Variants in DNMT3A observed in about 807,000 individuals in gnomAD.
The protein encoded by DNMT3A is DNA methyltransferase 3 alpha.
Under a neutral mutation model 117.6 loss-of-function variants are expected in DNMT3A, and 267 were observed. That is an observed-to-expected ratio of 2.27 (90% CI 2.05 to 2.51). The LOEUF is 2.51. Among genes scored for constraint, DNMT3A ranks in the 30% most tolerant of loss-of-function variants. The pLI is 0.00. For synonymous variants in DNMT3A, 432 were observed against 474.8 expected, an observed-to-expected ratio of 0.91 and a Z score of 1.17; for missense variants, 1,029 against 1,260.2, an observed-to-expected ratio of 0.82 and a Z score of 2.78.
intron 2 of DNMT3A, among the ~76,000 whole-genome samples, chr2:25,300,718 T>TAC (rs1558722748): frequency 3.7e-4 from 2 of 5,400 alleles, no homozygotes; most frequent in African/African-American, 1.3e-3. Flanking sequence ...ATATAATATA[T>TAC]ATATATATAT....
intron 3 of DNMT3A, among the ~76,000 whole-genome samples, chr2:25,287,727 A>G (rs2032415846): frequency 8.6e-6 from 1 of 116,560 alleles, no homozygotes; most frequent in South Asian, 2.6e-4. Context: ...CAGACAGAGG[A>G]CACCCCCGCC....
chr2:25,239,221 AAACAGGAG>A lies in DNMT3A; in HGVS notation c.2323-14_2323-7del. ...TCAATCATCACAGGGTTGGACTACA[AAACAGGAG>A]ACGGTTTGAAGATGAGCCAAGGAGG... On this transcript the variant is annotated splice_polypyrimidine_tract_variant and splice_region_variant and intron_variant, in intron 19 of 22. Coordinates refer to ENST00000321117, the MANE Select transcript of DNMT3A (RefSeq NM_022552.5). 1 of 1,613,634 alleles carries A rather than the reference AAACAGGAG, an allele frequency of 6.2e-7. No homozygotes were observed. Among genetic ancestry groups the A allele is most frequent in the Non-Finnish European group, 8.5e-7 (1 of 1,179,686 alleles).
At position 25,228,143 on chromosome 2, in the gene DNMT3A, C is replaced by T. The variant is rs2149242333; in HGVS notation, c.*6136G>A. ...CCCCCACTCGCCCTTCCCTGAATGT[C>T]CTAGAACCAGACTGTGAAATGTACA... On this transcript the variant is annotated 3_prime_UTR_variant, in exon 23 of 23. Transcript: ENST00000321117. 1 of 134,808 alleles carries T rather than the reference C, an allele frequency of 7.4e-6. No individual in the cohort carries two copies. Among genetic ancestry groups the T allele is most frequent in the African/African-American group, 2.8e-5 (1 of 35,856 alleles). The allele number at this position is 134,808 out of a possible 1,614,324, so 8.4% of individuals were successfully genotyped here. A position where few individuals can be genotyped will look rare whatever the true frequency, so the allele number is the denominator to read the frequency against.
chr2:25,258,480 A>C (rs977975180), intron 6 of DNMT3A, among the ~76,000 whole-genome samples: 2 of 152,216 alleles, frequency 1.3e-5, no homozygotes, highest in African/African-American at 4.8e-5. Flanking sequence ...TAGCACCTGC[A>C]GTAGGTAGGC....
intron 1 of DNMT3A, chr2:25,328,662 CAGG>C: frequency 1.9e-6 from 1 of 523,640 alleles, no homozygotes; most frequent in Non-Finnish European, 3.9e-6. Flanking sequence ...AAGTCACTCC[CAGG>C]CAGCTGCAAC....
At chr2:25,264,132 G>GTTTTTTTTTTGTTT (rs2029960683) in intron 6 of DNMT3A, among the ~76,000 whole-genome samples, 1 of 73,740 alleles carries the variant, frequency 1.4e-5, no homozygotes, top group Non-Finnish European at 2.3e-5. Context: ...CAACCCTTTG[G>GTTTTTTTTTTGTTT]TTTTTTTTTT....
At chr2:25,289,532 G>A (rs575698633) in intron 3 of DNMT3A, among the ~76,000 whole-genome samples, 12 of 152,236 alleles carry the variant, frequency 7.9e-5, no homozygotes, top group South Asian at 2.1e-4. Context: ...AGCGATACTC[G>A]CTTTTCTGAG....
intron 2 of DNMT3A, among the ~76,000 whole-genome samples, chr2:25,307,919 T>C (rs2033871482): frequency 6.6e-6 from 1 of 152,128 alleles, no homozygotes; most frequent in South Asian, 2.1e-4. Flanking sequence ...CCTGAAGGGA[T>C]CTACAGCCCC....
intron 4 of DNMT3A, among the ~76,000 whole-genome samples, chr2:25,280,456 C>T (rs2031808016): frequency 6.6e-6 from 1 of 152,048 alleles, no homozygotes; most frequent in Non-Finnish European, 1.5e-5. Flanking sequence ...CCTGCTCCCT[C>T]CCACCTGGGA....
intron 6 of DNMT3A, among the ~76,000 whole-genome samples, chr2:25,259,463 T>C (rs903425966): frequency 1.3e-5 from 2 of 152,202 alleles, no homozygotes; most frequent in African/African-American, 4.8e-5. Flanking sequence ...CCTAGCTTCT[T>C]TGGGCCTTGG....
chr2:25,240,833 C>A, intron 17 of DNMT3A, 103 bp from the exon 18 acceptor site: 1 of 1,181,196 alleles, frequency 8.5e-7, no homozygotes, highest in African/African-American at 1.5e-5. Context: ...TCCTTTGACA[C>A]GAAAGAGAGG....
rs1471898176 is a variant in DNMT3A, at chr2:25,306,097, GCAAGAGGCAGAGC to G, written c.73-5867_73-5855del. Among the ~76,000 whole-genome samples the G allele has an allele frequency of 1.3e-5, 2 of 152,206 alleles. No individual in the cohort carries two copies. Among genetic ancestry groups the G allele is most frequent in the African/African-American group, 4.8e-5 (2 of 41,458 alleles). ...AATTCAGTGAAACGAATTGGCTTCT[GCAAGAGGCAGAGC>G]CCTGTCCTGGGTTGCCTGAGCACCA... On this transcript the variant is annotated intron_variant, in intron 2 of 22. Transcript: ENST00000321117. The surrounding 1 kb of genome is among the most constrained non-coding windows in gnomAD (Gnocchi z 4.1).
In DNMT3A at chr2:25,235,803, GT is replaced by G; in HGVS notation, c.2500del (p.Thr834LeufsTer7). 6.2e-7 allele frequency: 1 copy of G among 1,614,060 alleles called. No individual in the cohort carries two copies. Among genetic ancestry groups the G allele is most frequent in the South Asian group, 1.1e-5 (1 of 91,074 alleles). On this transcript the variant is annotated frameshift_variant, in exon 22 of 23. Transcript: ENST00000321117. LOFTEE classifies it high-confidence loss of function. ...CTGCTTTATGGAGTTTGACCTCGTA[GT>G]AATGGTCCTCACTTTGCTGAACTAG... Reference protein sequence around the residue: ...IAKFSKVRTITTRSNSIKQGK... With the variant: ...IAKFSKVRTIXTRSNSIKQGK...
rs571378021 is a variant in DNMT3A, at chr2:25,298,508, CA to C, written c.177+1630del. On this transcript the variant is annotated intron_variant, in intron 3 of 22. Transcript: ENST00000321117. This position sits in a 1 kb window ranked among gnomAD's most constrained non-coding sequence, Gnocchi z 4.3. ...CTTGTCCTCAGAAACTGGACGGGGACAGGGGGAGTTTGCTTAGCATATTGCA... is the reference window on the plus strand; with the variant it reads ...CTTGTCCTCAGAAACTGGACGGGGACGGGGGAGTTTGCTTAGCATATTGCA... Among the ~76,000 whole-genome samples the C allele has an allele frequency of 3.5e-4, 54 of 152,268 alleles. No homozygotes were observed. Among genetic ancestry groups the C allele is most frequent in the African/African-American group, 1.3e-3 (53 of 41,538 alleles).
Position 25,311,473 on chromosome 2 carries a change from G to T in DNMT3A, c.72+2440C>A, listed in dbSNP as rs2034117037. 1.3e-5 allele frequency among the ~76,000 whole-genome samples: 2 copies of T among 152,206 alleles called. No individual in the cohort carries two copies. Among genetic ancestry groups the T allele is most frequent in the East Asian group, 3.9e-4 (2 of 5,194 alleles). ...AGGTGAGCCAGCATGCGTGGTGTAG[G>T]TGTGGGCGGCTGGGGAGGAGGCCTG... On this transcript the variant is annotated intron_variant, in intron 2 of 22. Transcript: ENST00000321117. The surrounding 1 kb of genome is among the most constrained non-coding windows in gnomAD (Gnocchi z 5.2).
Position 25,253,636 on chromosome 2 carries a change from G to T in DNMT3A, c.640-5384C>A, listed in dbSNP as rs992768735. Reference sequence around the variant, plus strand: ...TATTCTGTAGCAGGGAAGAATAACCGCAGGTTTTCTGACAAGATGAATGAG... The same window carrying T: ...TATTCTGTAGCAGGGAAGAATAACCTCAGGTTTTCTGACAAGATGAATGAG... On this transcript the variant is annotated intron_variant, in intron 6 of 22. Coordinates refer to ENST00000321117, the MANE Select transcript of DNMT3A (RefSeq NM_022552.5). Among the ~76,000 whole-genome samples the T allele has an allele frequency of 3.9e-5, 6 of 152,306 alleles. No homozygotes were observed. The East Asian group carries it at 9.7e-4, about 25-fold the overall frequency.
rs556546494 is a variant in DNMT3A at position 25,252,103 on chromosome 2, C to T, written c.640-3851G>A. 3 of 1,508,862 alleles carry T rather than the reference C, an allele frequency of 2.0e-6. No homozygotes were observed. In the Admixed American group the frequency reaches 6.2e-5, roughly 31 times the overall value. The allele number at this position is 1,508,862 out of a possible 1,614,324, so 93.5% of individuals were successfully genotyped here. A position where few individuals can be genotyped will look rare whatever the true frequency, so the allele number is the denominator to read the frequency against. On this transcript the variant is annotated intron_variant, in intron 6 of 22. Transcript: ENST00000321117. This position sits in a 1 kb window ranked among gnomAD's most constrained non-coding sequence, Gnocchi z 5.5. ...GCGGGCCGGGGAGGCATACTTCACT[C>T]TTTTCAAACCCGGAGGGCTGCGGAG...
chr2:25,341,077 CCGCACCCCCA>C (rs2035411729), intron 1 of DNMT3A, among the ~76,000 whole-genome samples: 2 of 145,448 alleles, frequency 1.4e-5, no homozygotes, highest in African/African-American at 5.0e-5. Context: ...CGCCGGCGCC[CCGCACCCCCA>C]GCCACAGGTG....
intron 20 of DNMT3A, among the ~76,000 whole-genome samples, chr2:25,238,500 T>C (rs76249301): frequency 1.3e-5 from 2 of 152,344 alleles, no homozygotes; most frequent in South Asian, 2.1e-4. Flanking sequence ...CAGCATGCTT[T>C]TGAATTGCCA....
Sources: gnomAD v4.1 joint callset for allele counts (sites outside exome capture counted in the v4.1 genomes callset) on GRCh38, gnomAD v4.1.1 for gene constraint, Gnocchi (gnomAD v3.1) non-coding constraint, MANE v1.5 for transcripts, NCBI Gene and HGNC (gene_info 2026-07-23, HGNC 2026-07-21) for gene names.